Variants in FAM168A observed in about 807,000 individuals in gnomAD.
The protein encoded by FAM168A is family with sequence similarity 168 member A.
In FAM168A, 3 loss-of-function variants were observed where a neutral mutation model predicts 28.5. That is an observed-to-expected ratio of 0.11 (90% CI 0.05 to 0.27). The LOEUF is 0.27. Ranked by LOEUF, FAM168A falls within the 10% of genes least tolerant of loss-of-function variation. The pLI is 1.00. For synonymous variants in FAM168A, 122 were observed against 124.2 expected (o/e 0.98, Z 0.12); for missense variants, 222 against 311.5 (o/e 0.71, Z 2.16).
At chr11:73,540,554 C>A (rs1170991210) in intron 1 of FAM168A, among the ~76,000 whole-genome samples, 1 of 152,154 alleles carries the variant, frequency 6.6e-6, no homozygotes, top group Non-Finnish European at 1.5e-5. Flanking sequence ...ACAAAATGCA[C>A]CTGGCTCATT....
At chr11:73,510,575 G>A (rs144030523) in intron 1 of FAM168A, 96 of 241,794 alleles carry the variant, frequency 4.0e-4, no homozygotes, top group African/African-American at 2.0e-3. Flanking sequence ...AAAATGAGCA[G>A]GGATTAGAGG....
intron 1 of FAM168A, among the ~76,000 whole-genome samples, chr11:73,534,022 C>G (rs1018608294): frequency 6.6e-6 from 1 of 152,188 alleles, no homozygotes; most frequent in African/African-American, 2.4e-5. Context: ...CCATACTCTT[C>G]CCAGTGCAAA....
intron 1 of FAM168A, among the ~76,000 whole-genome samples, chr11:73,496,825 G>A (rs1318690712): frequency 6.6e-6 from 1 of 151,554 alleles, no homozygotes; most frequent in African/African-American, 2.4e-5. Context: ...CTCCCAAAGT[G>A]CTGGGATTAC....
chr11:73,405,841 GTGGGTCCATGACAGCTCAGAGGC>G lies in FAM168A; in HGVS notation c.*899_*921del, dbSNP rs1866495478. 1 of 152,428 alleles carries G rather than the reference GTGGGTCCATGACAGCTCAGAGGC, an allele frequency of 6.6e-6. No homozygotes were observed. The highest frequency in any genetic ancestry group is 2.4e-5 in the African/African-American group (1 of 41,460). 9.4% of individuals were successfully genotyped at this position (152,428 alleles called of 1,614,324 possible). The stretch of plus-strand genomic sequence containing the variant: ...AATCAGGAGGAAGCTCCTCATCAGA[GTGGGTCCATGACAGCTCAGAGGC>G]TGAAGTCTGGATGACACAGGGCATC... On this transcript the variant is annotated 3_prime_UTR_variant, in exon 8 of 8. Coordinates refer to ENST00000356467, the MANE Select transcript of FAM168A (RefSeq NM_015159.3).
At position 73,510,257 on chromosome 11, in the gene FAM168A, A is replaced by C. The variant is rs561283705; in HGVS notation, c.-18-41765T>G. On this transcript the variant is annotated intron_variant, in intron 1 of 7. Transcript: ENST00000356467. ...TCCCCATTATGCAAAACCTGATAAT[A>C]ACCACTAATTTAATAAACCTGAGAG... Among the ~76,000 whole-genome samples the C allele has an allele frequency of 2.8e-4, 43 of 152,314 alleles. 1 individual carries two copies. Among genetic ancestry groups the C allele is most frequent in the Non-Finnish European group, 4.9e-4 (33 of 68,036 alleles).
chr11:73,552,720 G>A (rs1476268521), intron 1 of FAM168A, among the ~76,000 whole-genome samples: 1 of 152,178 alleles, frequency 6.6e-6, no homozygotes, highest in Non-Finnish European at 1.5e-5. Context: ...ACTTTGGGAG[G>A]CCAAGATGGG....
At chr11:73,511,838 A>T (rs1005547219) in intron 1 of FAM168A, among the ~76,000 whole-genome samples, 3 of 152,224 alleles carry the variant, frequency 2.0e-5, no homozygotes, top group Admixed American at 6.5e-5. Flanking sequence ...AATAAGATAC[A>T]TGAGAAGCAC....
At chr11:73,555,497 G>C (rs1284293940) in intron 1 of FAM168A, among the ~76,000 whole-genome samples, 18 of 152,040 alleles carry the variant, frequency 1.2e-4, no homozygotes, top group African/African-American at 4.3e-4. Context: ...TTGAGGTCAG[G>C]AGCTCGAGAC....
chr11:73,574,228 C>G (rs1026868648), intron 1 of FAM168A, among the ~76,000 whole-genome samples: 1 of 152,302 alleles, frequency 6.6e-6, no homozygotes, highest in East Asian at 1.9e-4. Context: ...AAGGCATTTT[C>G]ACATTCATTA....
At chr11:73,523,023 C>CAAAA in intron 1 of FAM168A, among the ~76,000 whole-genome samples, 1 of 151,914 alleles carries the variant, frequency 6.6e-6, no homozygotes, top group South Asian at 2.1e-4. Context: ...AAACAAAAAA[C>CAAAA]AAAACAAAAC....
chr11:73,534,203 G>A (rs1943548342), intron 1 of FAM168A, among the ~76,000 whole-genome samples: 1 of 152,146 alleles, frequency 6.6e-6, no homozygotes, highest in Non-Finnish European at 1.5e-5. Flanking sequence ...GAGAAATGGA[G>A]ACGAGCAATA....
intron 4 of FAM168A, 124 bp from the exon 5 acceptor site, chr11:73,411,660 A>G: frequency 9.7e-7 from 1 of 1,026,484 alleles, no homozygotes; most frequent in East Asian, 2.6e-5. Context: ...AACAGAGATG[A>G]GAACAAACAG....
chr11:73,565,941 C>CA (rs1172788416), intron 1 of FAM168A, among the ~76,000 whole-genome samples: 1 of 152,186 alleles, frequency 6.6e-6, no homozygotes, highest in African/African-American at 2.4e-5. Context: ...GTGCAGGGCT[C>CA]AAGCTGAGAT....
intron 1 of FAM168A, among the ~76,000 whole-genome samples, chr11:73,475,668 A>G (rs1310296932): frequency 6.6e-6 from 1 of 152,150 alleles, no homozygotes; most frequent in Non-Finnish European, 1.5e-5. Flanking sequence ...GGGCCAAAGT[A>G]TGAAATGTCT....
chr11:73,563,178 T>A (rs1943979427), intron 1 of FAM168A, among the ~76,000 whole-genome samples: 1 of 152,218 alleles, frequency 6.6e-6, no homozygotes, highest in Non-Finnish European at 1.5e-5. Context: ...GATGTTCACC[T>A]CTATCATTCA....
intron 2 of FAM168A, among the ~76,000 whole-genome samples, chr11:73,461,749 G>A (rs1867650230): frequency 6.6e-6 from 1 of 152,176 alleles, no homozygotes; most frequent in Non-Finnish European, 1.5e-5. Flanking sequence ...GTTATGTAAA[G>A]AACAGACTGG....
chr11:73,493,178 GA>G (rs922401883), intron 1 of FAM168A, among the ~76,000 whole-genome samples: 44 of 143,168 alleles, frequency 3.1e-4, no homozygotes, highest in African/African-American at 1.0e-3. Context: ...ATGAAAGTAG[GA>G]AAAAAAAAAT....
intron 1 of FAM168A, among the ~76,000 whole-genome samples, chr11:73,563,848 G>A (rs886640875): frequency 6.6e-6 from 1 of 152,202 alleles, no homozygotes; most frequent in Non-Finnish European, 1.5e-5. Flanking sequence ...TAGGACTCTT[G>A]GTTGTAAATG....
chr11:73,583,575 C>T (rs1316923751), intron 1 of FAM168A, among the ~76,000 whole-genome samples: 1 of 152,120 alleles, frequency 6.6e-6, no homozygotes, highest in Non-Finnish European at 1.5e-5. Context: ...GTACCCAATC[C>T]CAACCTAGGA....
Sources: allele counts gnomAD v4.1 joint callset (sites outside exome capture counted in the v4.1 genomes callset), GRCh38; gene constraint gnomAD v4.1.1; transcripts MANE v1.5; gene names NCBI Gene and HGNC (gene_info 2026-07-23, HGNC 2026-07-21).